Variants in PLPPR5 observed in about 807,000 individuals in gnomAD.
PLPPR5 encodes phospholipid phosphatase-related protein type 5.
A neutral mutation model predicts 33.9 loss-of-function variants in PLPPR5; 16 were observed. The observed-to-expected ratio is 0.47, with a 90% CI of 0.32 to 0.72. The LOEUF (loss-of-function observed/expected upper bound fraction) is 0.72. Among genes scored for constraint, PLPPR5 ranks in the 30% least tolerant of loss-of-function variants. PLPPR5 has a pLI of 0.03. For synonymous variants in PLPPR5, 163 were observed against 150.3 expected, an observed-to-expected ratio of 1.08 and a Z score of -0.62; for missense variants, 301 against 406.7, an observed-to-expected ratio of 0.74 and a Z score of 2.23.
intron 1 of PLPPR5, among the ~76,000 whole-genome samples, chr1:98,960,924 A>G (rs439809): frequency 1 from 151,964 of 152,306 alleles, 75,813 homozygotes; most frequent in Middle Eastern, 1. Context: ...GTGGGAGTGA[A>G]CCTAATCTTC....
At chr1:98,895,870 C>T (rs1377043003) in intron 5 of PLPPR5, among the ~76,000 whole-genome samples, 1 of 151,798 alleles carries the variant, frequency 6.6e-6, no homozygotes, top group African/African-American at 2.4e-5. Flanking sequence ...AGTGACTATG[C>T]CTAGGGAAGA....
At chr1:98,938,883 C>A (rs1008198364) in intron 3 of PLPPR5, among the ~76,000 whole-genome samples, 1 of 151,986 alleles carries the variant, frequency 6.6e-6, no homozygotes, top group African/African-American at 2.4e-5. Flanking sequence ...GAACAGAAAA[C>A]CAAAACCAAA....
At chr1:98,900,419 A>G (rs1250902117) in intron 5 of PLPPR5, among the ~76,000 whole-genome samples, 1 of 152,106 alleles carries the variant, frequency 6.6e-6, no homozygotes, top group African/African-American at 2.4e-5. Context: ...TTCCTCCAGT[A>G]TAGCCATCAT....
chr1:98,959,446 G>A (rs961943292), intron 1 of PLPPR5, among the ~76,000 whole-genome samples: 1 of 152,220 alleles, frequency 6.6e-6, no homozygotes, highest in African/African-American at 2.4e-5. Flanking sequence ...AACTAAAATA[G>A]TAAGTTTATT....
chr1:98,987,548 T>C (rs1652301730), intron 1 of PLPPR5, among the ~76,000 whole-genome samples: 1 of 151,938 alleles, frequency 6.6e-6, no homozygotes. Context: ...TGTCCACAGT[T>C]AATTGCTTTA....
intron 1 of PLPPR5, among the ~76,000 whole-genome samples, chr1:98,997,645 G>C (rs1315812422): frequency 6.6e-6 from 1 of 151,926 alleles, no homozygotes; most frequent in Non-Finnish European, 1.5e-5. Flanking sequence ...TCTTTCTATA[G>C]GAAAATCAGG....
chr1:98,964,052 A>G (rs1651347678), intron 1 of PLPPR5, among the ~76,000 whole-genome samples: 1 of 152,118 alleles, frequency 6.6e-6, no homozygotes, highest in South Asian at 2.1e-4. Context: ...TTCTGGAATC[A>G]CGCGCTACCA....
intron 2 of PLPPR5, among the ~76,000 whole-genome samples, chr1:98,955,425 C>CT (rs984535406): frequency 1.3e-5 from 2 of 151,916 alleles, no homozygotes; most frequent in African/African-American, 4.8e-5. Flanking sequence ...TTGCATATTG[C>CT]TTTTTTTATT....
intron 5 of PLPPR5, among the ~76,000 whole-genome samples, chr1:98,910,079 A>G (rs1468947244): frequency 6.6e-6 from 1 of 152,252 alleles, no homozygotes; most frequent in Non-Finnish European, 1.5e-5. Context: ...AGTTTATCAA[A>G]CATGTACTTT....
At chr1:98,990,370 CAAAAT>C (rs1169995880) in intron 1 of PLPPR5, among the ~76,000 whole-genome samples, 1 of 150,348 alleles carries the variant, frequency 6.7e-6, no homozygotes, top group African/African-American at 2.4e-5. Context: ...AGGCTCATCC[CAAAAT>C]AAAACAAAAC....
intron 1 of PLPPR5, among the ~76,000 whole-genome samples, chr1:98,966,088 G>A (rs1651442025): frequency 1.3e-5 from 2 of 152,198 alleles, no homozygotes; most frequent in South Asian, 4.1e-4. Context: ...AAGAGAGAGA[G>A]CAAGTATCAG....
At chr1:98,906,343 C>A (rs1648901079) in intron 5 of PLPPR5, among the ~76,000 whole-genome samples, 1 of 151,474 alleles carries the variant, frequency 6.6e-6, no homozygotes, top group African/African-American at 2.4e-5. Context: ...TGGCTTCCAA[C>A]AATAATATTT....
chr1:98,896,012 T>C (rs1359594702), intron 5 of PLPPR5, among the ~76,000 whole-genome samples: 1 of 151,944 alleles, frequency 6.6e-6, no homozygotes, highest in East Asian at 1.9e-4. Context: ...GGATTATTTA[T>C]CTCAGTAGTT....
chr1:98,912,859 T>C (rs1031605198), intron 5 of PLPPR5, among the ~76,000 whole-genome samples: 1 of 152,210 alleles, frequency 6.6e-6, no homozygotes, highest in African/African-American at 2.4e-5. Context: ...CTGATGATCA[T>C]TAAATGGTAG....
chr1:98,903,772 A>G (rs1289349370), intron 5 of PLPPR5, among the ~76,000 whole-genome samples: 2 of 152,142 alleles, frequency 1.3e-5, no homozygotes, highest in Admixed American at 6.6e-5. Flanking sequence ...CCATCATTGT[A>G]TCAATTCTTC....
intron 5 of PLPPR5, among the ~76,000 whole-genome samples, chr1:98,904,031 G>A (rs1421346683): frequency 6.6e-6 from 1 of 152,032 alleles, no homozygotes; most frequent in Non-Finnish European, 1.5e-5. Context: ...TTTGGCAGTT[G>A]CCATGGGAAT....
Position 98,892,427 on chromosome 1 carries a change from C to T in PLPPR5, c.*645G>A, listed in dbSNP as rs952294651. The T allele has an allele frequency of 1.2e-4, 18 of 152,444 alleles. No individual in the cohort carries two copies. Among genetic ancestry groups the T allele is most frequent in the African/African-American group, 4.3e-4 (18 of 41,502 alleles). The allele number at this position is 152,444 out of a possible 1,614,324, so 9.4% of individuals were successfully genotyped here. The stretch of plus-strand genomic sequence containing the variant: ...TTATTACAGTAAAAATTGGCATTTT[C>T]CCCTTCAAAAGCAGAAGCACCAGTC... On this transcript the variant is annotated 3_prime_UTR_variant, in exon 6 of 6. Transcript: ENST00000263177.
At chr1:99,004,985 C>A (rs554054919), upstream of PLPPR5, 1 of 155,860 alleles carries the variant, frequency 6.4e-6, no homozygotes, top group Non-Finnish European at 1.4e-5. Context: ...CGACGGGCAG[C>A]GGCCGCTGCG....
chr1:98,988,337 G>T (rs147975215), intron 1 of PLPPR5, among the ~76,000 whole-genome samples: 255 of 152,114 alleles, frequency 1.7e-3, no homozygotes, highest in Middle Eastern at 6.8e-3. Flanking sequence ...TAAACAAATT[G>T]GTCTTACTCT....
Sources: gnomAD v4.1 joint callset for allele counts (sites outside exome capture counted in the v4.1 genomes callset) on GRCh38, gnomAD v4.1.1 for gene constraint, MANE v1.5 for transcripts, NCBI Gene and HGNC (gene_info 2026-07-23, HGNC 2026-07-21) for gene names.